MTHFD1L: variants seen among roughly 807,000 people sequenced by gnomAD.
MTHFD1L encodes the protein methylenetetrahydrofolate dehydrogenase (NADP+ dependent) 1 like.
MTHFD1L carries 81 observed loss-of-function variants against 119.5 expected under a neutral mutation model. That is an observed-to-expected ratio of 0.68 (90% CI 0.57 to 0.82). The LOEUF (loss-of-function observed/expected upper bound fraction) is 0.82. Among genes scored for constraint, MTHFD1L ranks in the 40% least tolerant of loss-of-function variants. The pLI is 0.00. For missense variants in MTHFD1L, 1,125 were observed against 1,253.4 expected, an observed-to-expected ratio of 0.90 and a Z score of 1.55; for synonymous variants, 430 against 475.2, an observed-to-expected ratio of 0.90 and a Z score of 1.24.
chr6:151,097,389 T>A (rs1794969123), intron 27 of MTHFD1L, among the ~76,000 whole-genome samples: 1 of 152,176 alleles, frequency 6.6e-6, no homozygotes, highest in Non-Finnish European at 1.5e-5. Flanking sequence ...AAAGAAAATG[T>A]GGTATGTATA....
Position 150,918,688 on chromosome 6 carries a change from C to A in MTHFD1L, c.984+20C>A. 1 of 1,595,222 alleles carries A rather than the reference C, an allele frequency of 6.3e-7. No individual in the cohort carries two copies. Among genetic ancestry groups the A allele is most frequent in the Non-Finnish European group, 8.6e-7 (1 of 1,164,460 alleles). On this transcript the variant is annotated intron_variant, in intron 9 of 27. Coordinates refer to ENST00000367321, the MANE Select transcript of MTHFD1L (RefSeq NM_015440.5). ...ATTCAGGTTTGTTCAACATAGCTGTCTGAGAATCTTGAGTTTGGAAGTTTG... is the reference window on the plus strand; with the variant it reads ...ATTCAGGTTTGTTCAACATAGCTGTATGAGAATCTTGAGTTTGGAAGTTTG...
intron 20 of MTHFD1L, among the ~76,000 whole-genome samples, chr6:150,980,723 A>AAAAAG (rs1554269194): frequency 1.9e-4 from 29 of 151,448 alleles, no homozygotes; most frequent in African/African-American, 7.0e-4. Context: ...AAAAAAAAAA[A>AAAAAG]AAAGAAAGAA....
chr6:150,913,200 C>T (rs1787235653), intron 8 of MTHFD1L, among the ~76,000 whole-genome samples: 1 of 151,860 alleles, frequency 6.6e-6, no homozygotes, highest in South Asian at 2.1e-4. Flanking sequence ...TCGCTCCCTC[C>T]CCCAGGCTGG....
chr6:150,989,189 A>G (rs1026109320), intron 20 of MTHFD1L, among the ~76,000 whole-genome samples: 9 of 152,242 alleles, frequency 5.9e-5, no homozygotes, highest in African/African-American at 2.2e-4. Flanking sequence ...TTGGGTATCT[A>G]GATCAAAATA....
chr6:150,885,833 AATT>A (rs1241382506), intron 6 of MTHFD1L, 99 bp downstream of exon 6: 5 of 887,820 alleles, frequency 5.6e-6, no homozygotes, highest in African/African-American at 1.7e-5. Flanking sequence ...AATTTTTTTA[AATT>A]ATTATTCTGA....
intron 26 of MTHFD1L, among the ~76,000 whole-genome samples, chr6:151,051,316 A>G (rs572246625): frequency 3.0e-4 from 46 of 152,296 alleles, no homozygotes; most frequent in Admixed American, 1.8e-3. Context: ...CTGCTTGACC[A>G]CATTTTCCGC....
At chr6:151,016,030 T>G (rs1040725681) in intron 24 of MTHFD1L, among the ~76,000 whole-genome samples, 10 of 152,128 alleles carry the variant, frequency 6.6e-5, no homozygotes, top group Non-Finnish European at 1.0e-4. Context: ...GAGGCTGCAG[T>G]GAGCCAAGAT....
chr6:151,088,832 A>G (rs773563985), intron 26 of MTHFD1L, among the ~76,000 whole-genome samples: 3 of 152,184 alleles, frequency 2.0e-5, no homozygotes, highest in Non-Finnish European at 2.9e-5. Context: ...ACTGCAGCTA[A>G]CAAATACAGC....
At chr6:150,984,490 C>T (rs202146870) in intron 20 of MTHFD1L, among the ~76,000 whole-genome samples, 7 of 150,560 alleles carry the variant, frequency 4.6e-5, no homozygotes, top group African/African-American at 1.5e-4. Flanking sequence ...TCTTTCTACA[C>T]GGTGCACTGG....
intron 7 of MTHFD1L, among the ~76,000 whole-genome samples, chr6:150,894,147 A>T (rs1783823280): frequency 1.3e-5 from 2 of 152,122 alleles, no homozygotes. Context: ...AGGTGGGATG[A>T]TCACCTGAAT....
intron 26 of MTHFD1L, among the ~76,000 whole-genome samples, chr6:151,051,736 G>A (rs1295437918): frequency 6.6e-6 from 1 of 152,244 alleles, no homozygotes; most frequent in Non-Finnish European, 1.5e-5. Context: ...CCTTTGCCAA[G>A]AGAAAGGTGT....
chr6:150,885,965 T>G (rs895155045), intron 6 of MTHFD1L, among the ~76,000 whole-genome samples: 1 of 152,238 alleles, frequency 6.6e-6, no homozygotes, highest in Non-Finnish European at 1.5e-5. Context: ...AAACTTTTTC[T>G]AGTAAGACCA....
chr6:150,892,447 T>C (rs1200061692), intron 7 of MTHFD1L, among the ~76,000 whole-genome samples: 6 of 152,240 alleles, frequency 3.9e-5, no homozygotes, highest in Non-Finnish European at 5.9e-5. Context: ...TGTTTTCATA[T>C]GGACCAGAAG....
intron 21 of MTHFD1L, 24 bp from the exon 22 acceptor site, chr6:151,013,755 T>G: frequency 6.2e-7 from 1 of 1,600,896 alleles, no homozygotes; most frequent in Non-Finnish European, 8.6e-7. Flanking sequence ...GGATTATTCT[T>G]CATGTTTTCT....
chr6:150,915,957 T>C (rs563279251), intron 8 of MTHFD1L, among the ~76,000 whole-genome samples: 1 of 152,298 alleles, frequency 6.6e-6, no homozygotes, highest in South Asian at 2.1e-4. Context: ...GAGGCCCGTT[T>C]GTGGACACGA....
chr6:151,013,116 C>CA (rs1782541126), intron 21 of MTHFD1L, among the ~76,000 whole-genome samples: 1 of 152,216 alleles, frequency 6.6e-6, no homozygotes, highest in Non-Finnish European at 1.5e-5. Flanking sequence ...CACAGTGTTT[C>CA]ACCCTGTAAT....
At chr6:150,995,290 A>C (rs1043122473) in intron 20 of MTHFD1L, among the ~76,000 whole-genome samples, 2 of 152,112 alleles carry the variant, frequency 1.3e-5, no homozygotes, top group Non-Finnish European at 2.9e-5. Context: ...CGAGGCAGGC[A>C]GATCGCCTGA....
chr6:151,021,000 C>G (rs1185060827), intron 24 of MTHFD1L, among the ~76,000 whole-genome samples: 1 of 152,126 alleles, frequency 6.6e-6, no homozygotes, highest in Non-Finnish European at 1.5e-5. Context: ...ATGGACTTGT[C>G]CATAAGAAAT....
intron 8 of MTHFD1L, among the ~76,000 whole-genome samples, chr6:150,910,313 T>C (rs111336545): frequency 6.6e-5 from 10 of 151,228 alleles, no homozygotes; most frequent in African/African-American, 1.9e-4. Context: ...CCTGTAATCC[T>C]AGCACTTTGG....
Sources: allele counts gnomAD v4.1 joint callset (sites outside exome capture counted in the v4.1 genomes callset), GRCh38; gene constraint gnomAD v4.1.1; transcripts MANE v1.5; gene names NCBI Gene and HGNC (gene_info 2026-07-23, HGNC 2026-07-21).